CCND3: variants seen among roughly 807,000 people sequenced by gnomAD.
CCND3 encodes cyclin D3, also known as G1/S-specific cyclin-D3.
A neutral mutation model predicts 28.7 loss-of-function variants in CCND3; 9 were observed. That is an observed-to-expected ratio of 0.31 (90% CI 0.19 to 0.55). The LOEUF is 0.55. Among genes scored for constraint, CCND3 ranks in the 20% least tolerant of loss-of-function variants. The pLI is 0.93. For missense variants in CCND3, 315 were observed against 385.8 expected (o/e 0.82, Z 1.54); for synonymous variants, 164 against 163.9 (o/e 1.00, Z 0.00).
Position 41,936,806 on chromosome 6 carries a change from A to G in CCND3, c.575-111T>C, listed in dbSNP as rs116928763. On this transcript the variant is annotated intron_variant, in intron 3 of 4. Transcript: ENST00000372991. This position sits in a 1 kb window ranked among gnomAD's most constrained non-coding sequence, Gnocchi z 4.4. ...AGGCAGCATGAGTAGAGCAGAGGAC[A>G]TGCTGGAAAACTCCAGCAGTGGGTG... The G allele has an allele frequency of 1.4e-3, 1,566 of 1,159,666 alleles. 42 individuals are homozygous for G. The East Asian group carries it at 0.033, about 24-fold the overall frequency. The allele number at this position is 1,159,666 out of a possible 1,614,324, so 71.8% of individuals were successfully genotyped here. A position where few individuals can be genotyped will look rare whatever the true frequency, so the allele number is the denominator to read the frequency against.
intron 1 of CCND3, among the ~76,000 whole-genome samples, chr6:42,003,135 C>T (rs1300372759): frequency 7.1e-6 from 1 of 141,806 alleles, no homozygotes; most frequent in Non-Finnish European, 1.5e-5. Flanking sequence ...GCACTCCAGC[C>T]TGGACAACAA....
intron 1 of CCND3, among the ~76,000 whole-genome samples, chr6:42,012,796 G>A (rs557500828): frequency 9.2e-5 from 14 of 152,220 alleles, no homozygotes; most frequent in African/African-American, 3.4e-4. Flanking sequence ...GGAACTAAAA[G>A]GAGCTGCACA....
chr6:41,956,009 T>C (rs1428964215), intron 1 of CCND3, among the ~76,000 whole-genome samples: 6 of 152,196 alleles, frequency 3.9e-5, no homozygotes, highest in Non-Finnish European at 7.3e-5. Flanking sequence ...TATTTAAATG[T>C]AGGGCCGGGC....
Position 41,935,814 on chromosome 6 carries a change from T to C in CCND3, c.*126A>G. On this transcript the variant is annotated 3_prime_UTR_variant, in exon 5 of 5. Coordinates refer to ENST00000372991, the MANE Select transcript of CCND3 (RefSeq NM_001760.5). Reference sequence around the variant, plus strand: ...CGGGGATGGGTAGGACCAGATCCCTTGGGCTTTGTGAAGGGGGAACAGACG... The same window carrying C: ...CGGGGATGGGTAGGACCAGATCCCTCGGGCTTTGTGAAGGGGGAACAGACG... The C allele has an allele frequency of 1.1e-6, 1 of 925,024 alleles. No homozygotes were observed. Among genetic ancestry groups the C allele is most frequent in the Non-Finnish European group, 1.7e-6 (1 of 593,180 alleles). 57.3% of individuals were successfully genotyped at this position (925,024 alleles called of 1,614,324 possible).
At chr6:41,975,748 T>C (rs1387228810) in intron 1 of CCND3, among the ~76,000 whole-genome samples, 2 of 152,056 alleles carry the variant, frequency 1.3e-5, no homozygotes, top group East Asian at 1.9e-4. Flanking sequence ...TTTTTTTTTT[T>C]TTTTTTAAGT....
rs1048515528 is a variant in CCND3, at chr6:41,936,401, C to T, written c.711+158G>A. 1.1e-6 allele frequency: 1 copy of T among 880,512 alleles called. No homozygotes were observed. The highest frequency in any genetic ancestry group is 1.7e-6 in the Non-Finnish European group (1 of 574,988). 54.5% of individuals were successfully genotyped at this position (880,512 alleles called of 1,614,324 possible). A position where few individuals can be genotyped will look rare whatever the true frequency, so the allele number is the denominator to read the frequency against. On this transcript the variant is annotated intron_variant, in intron 4 of 4. Coordinates refer to ENST00000372991, the MANE Select transcript of CCND3 (RefSeq NM_001760.5). This position sits in a 1 kb window ranked among gnomAD's most constrained non-coding sequence, Gnocchi z 4.4. ...ACCCCACCCAAGATACTTGCTCTTCCCCAGACCAAGGCAGGAGATAAAAAG... is the reference window on the plus strand; with the variant it reads ...ACCCCACCCAAGATACTTGCTCTTCTCCAGACCAAGGCAGGAGATAAAAAG...
At chr6:41,976,411 G>A (rs537916938) in intron 1 of CCND3, among the ~76,000 whole-genome samples, 1 of 152,214 alleles carries the variant, frequency 6.6e-6, no homozygotes, top group African/African-American at 2.4e-5. Flanking sequence ...CAGATACTCT[G>A]GGGCTTGAGA....
intron 1 of CCND3, among the ~76,000 whole-genome samples, chr6:41,994,294 A>T (rs1368302899): frequency 6.6e-6 from 1 of 152,022 alleles, no homozygotes; most frequent in East Asian, 1.9e-4. Flanking sequence ...AGGCTATTCC[A>T]TCTAGGTTTG....
At chr6:42,014,623 A>G (rs1763445818) in intron 1 of CCND3, among the ~76,000 whole-genome samples, 2 of 152,086 alleles carry the variant, frequency 1.3e-5, no homozygotes, top group African/African-American at 4.8e-5. Context: ...AGTTGTCTAC[A>G]TAGAAATAAG....
At chr6:41,990,456 A>G (rs1397318677) in intron 1 of CCND3, among the ~76,000 whole-genome samples, 1 of 152,128 alleles carries the variant, frequency 6.6e-6, no homozygotes, top group African/African-American at 2.4e-5. Context: ...CCTAAAATTC[A>G]TAAGAAACCA....
chr6:42,046,751 G>A (rs771279596), intron 1 of CCND3, among the ~76,000 whole-genome samples: 1 of 152,114 alleles, frequency 6.6e-6, no homozygotes, highest in Admixed American at 6.6e-5. Context: ...AACAGTACCA[G>A]CCCTATGGCT....
Position 41,941,808 on chromosome 6 carries a change from C to G in CCND3, c.-159G>C. On this transcript the variant is annotated 5_prime_UTR_variant, in exon 1 of 5. Coordinates refer to ENST00000372991, the MANE Select transcript of CCND3 (RefSeq NM_001760.5). The surrounding 1 kb of genome is among the most constrained non-coding windows in gnomAD (Gnocchi z 6.1). ...CCGCGCGCGCGCGCCGCTTCCCTGA[C>G]AGGCGCCCCGCCCCTCGCGACGATG... 1 of 323,618 alleles carries G rather than the reference C, an allele frequency of 3.1e-6. No individual in the cohort carries two copies. Among genetic ancestry groups the G allele is most frequent in the Non-Finnish European group, 5.4e-6 (1 of 184,194 alleles). 20.0% of individuals were successfully genotyped at this position (323,618 alleles called of 1,614,324 possible).
intron 1 of CCND3, among the ~76,000 whole-genome samples, chr6:41,955,647 T>G (rs1776417574): frequency 2.9e-5 from 3 of 102,148 alleles, no homozygotes; most frequent in African/African-American, 1.0e-4. Flanking sequence ...TGACCCTATC[T>G]CTACAAAAAA....
intron 1 of CCND3, among the ~76,000 whole-genome samples, chr6:41,950,018 G>A (rs1391993148): frequency 3.3e-5 from 5 of 151,100 alleles, no homozygotes; most frequent in African/African-American, 1.2e-4. Flanking sequence ...TAGGAGAATG[G>A]CGTGAACCCG....
intron 1 of CCND3, among the ~76,000 whole-genome samples, chr6:41,951,566 ACACACACAC>A (rs1561958159): frequency 1.7e-4 from 17 of 100,670 alleles, no homozygotes; most frequent in South Asian, 4.2e-4. Context: ...ACACACACAC[ACACACACAC>A]AAAAAAAAAG....
At chr6:41,959,597 A>G (rs1410353877) in intron 1 of CCND3, among the ~76,000 whole-genome samples, 1 of 151,494 alleles carries the variant, frequency 6.6e-6, no homozygotes, top group African/African-American at 2.4e-5. Context: ...CTGAGGCAGG[A>G]GAATCACTTA....
intron 1 of CCND3, among the ~76,000 whole-genome samples, chr6:41,960,637 C>T (rs1196545258): frequency 6.6e-6 from 1 of 152,104 alleles, no homozygotes; most frequent in East Asian, 1.9e-4. Flanking sequence ...TGCAAGGAGA[C>T]CCCCAACCTC....
At chr6:41,973,851 T>C (rs1311730382) in intron 1 of CCND3, among the ~76,000 whole-genome samples, 1 of 152,108 alleles carries the variant, frequency 6.6e-6, no homozygotes, top group East Asian at 1.9e-4. Flanking sequence ...TTCTCCTGGG[T>C]GAGAATTAAA....
At chr6:41,990,394 G>A (rs1762611944) in intron 1 of CCND3, among the ~76,000 whole-genome samples, 1 of 151,896 alleles carries the variant, frequency 6.6e-6, no homozygotes, top group Non-Finnish European at 1.5e-5. Flanking sequence ...CAGATTCACT[G>A]TACTATCTAT....
Sources: allele counts gnomAD v4.1 joint callset (sites outside exome capture counted in the v4.1 genomes callset), GRCh38; gene constraint gnomAD v4.1.1; non-coding constraint Gnocchi (gnomAD v3.1); transcripts MANE v1.5; gene names NCBI Gene and HGNC (gene_info 2026-07-23, HGNC 2026-07-21).